The following PPP2R2A variants were observed in gnomAD, a reference collection of about 807,000 sequenced individuals.
PPP2R2A encodes protein phosphatase 2 regulatory subunit Balpha.
Under a neutral mutation model 53.2 loss-of-function variants are expected in PPP2R2A, and 9 were observed. That is an observed-to-expected ratio of 0.17 (90% confidence interval 0.10 to 0.30). PPP2R2A has a LOEUF of 0.30. Among genes scored for constraint, PPP2R2A ranks in the 10% least tolerant of loss-of-function variants. The probability of loss-of-function intolerance (pLI) is 1.00; values close to 1 mark genes in which losing one functional copy is unlikely to be tolerated. For synonymous variants in PPP2R2A, 169 were observed against 174.2 expected, an observed-to-expected ratio of 0.97 and a Z score of 0.23; for missense variants, 235 against 534.6, an observed-to-expected ratio of 0.44 and a Z score of 5.53.
At chr8:26,343,045 G>T (rs368504030) in intron 3 of PPP2R2A, among the ~76,000 whole-genome samples, 7 of 151,950 alleles carry the variant, frequency 4.6e-5, no homozygotes, top group African/African-American at 1.4e-4. Flanking sequence ...GATCCTGGTG[G>T]CACATACCTG....
intron 2 of PPP2R2A, among the ~76,000 whole-genome samples, chr8:26,330,964 ACT>A: frequency 6.6e-6 from 1 of 151,886 alleles, no homozygotes; most frequent in East Asian, 1.9e-4. Flanking sequence ...AAGGTGTGAC[ACT>A]CTTGTGAGAA....
intron 2 of PPP2R2A, among the ~76,000 whole-genome samples, chr8:26,326,486 G>T (rs1336022361): frequency 6.6e-6 from 1 of 152,154 alleles, no homozygotes; most frequent in Admixed American, 6.5e-5. Flanking sequence ...AACAATTCTG[G>T]CAGGAAACAA....
intron 2 of PPP2R2A, among the ~76,000 whole-genome samples, chr8:26,324,260 A>C (rs955299029): frequency 3.3e-5 from 5 of 152,134 alleles, no homozygotes; most frequent in Non-Finnish European, 7.4e-5. Flanking sequence ...CCACTCCATG[A>C]CTTTTTATTG....
chr8:26,323,884 C>T (rs1802961680), intron 2 of PPP2R2A, among the ~76,000 whole-genome samples: 1 of 152,226 alleles, frequency 6.6e-6, no homozygotes. Flanking sequence ...GTTCTGACTC[C>T]TCTACTCTCT....
chr8:26,352,266 GTCT>G (rs979198339), intron 3 of PPP2R2A, among the ~76,000 whole-genome samples: 2 of 152,150 alleles, frequency 1.3e-5, no homozygotes, highest in South Asian at 2.1e-4. Context: ...GCGGTTATGT[GTCT>G]TCTTATTCAG....
intron 2 of PPP2R2A, among the ~76,000 whole-genome samples, chr8:26,296,209 C>T (rs1801535366): frequency 6.6e-6 from 1 of 152,156 alleles, no homozygotes; most frequent in African/African-American, 2.4e-5. Flanking sequence ...TAAATGCAGT[C>T]CCAGTTTTGT....
Position 26,369,095 on chromosome 8 carries a change from G to A in PPP2R2A, c.1065-1039G>A, listed in dbSNP as rs534829166. 4.0e-5 allele frequency among the ~76,000 whole-genome samples: 6 copies of A among 149,888 alleles called. No individual in the cohort carries two copies. The South Asian group carries it at 6.3e-4, about 16-fold the overall frequency. The stretch of plus-strand genomic sequence containing the variant: ...TGCACTCCAGCCTGGGCAACAGAGC[G>A]AGACTCCGTCTCAAAAAAAAAAAAA... On this transcript the variant is annotated intron_variant, in intron 9 of 9. Transcript: ENST00000380737.
chr8:26,358,958 G>A, intron 4 of PPP2R2A: 1 of 456,018 alleles, frequency 2.2e-6, no homozygotes, highest in Non-Finnish European at 4.4e-6. Flanking sequence ...TGGCAAGGGT[G>A]AAAGAGTCAT....
At chr8:26,327,208 T>C (rs932543715) in intron 2 of PPP2R2A, among the ~76,000 whole-genome samples, 2 of 152,174 alleles carry the variant, frequency 1.3e-5, no homozygotes, top group Non-Finnish European at 2.9e-5. Context: ...AAGCATTAAA[T>C]CGAGGGTGTG....
At chr8:26,293,972 G>C in intron 2 of PPP2R2A, 1 of 496,958 alleles carries the variant, frequency 2.0e-6, no homozygotes, top group Non-Finnish European at 3.6e-6. Flanking sequence ...AGGAGCGGTA[G>C]ATGATGAGAC....
intron 2 of PPP2R2A, among the ~76,000 whole-genome samples, chr8:26,296,593 C>T (rs555751380): frequency 6.6e-6 from 1 of 152,306 alleles, no homozygotes; most frequent in African/African-American, 2.4e-5. Flanking sequence ...ATATGGTACC[C>T]CACATCTCTA....
chr8:26,304,952 A>G lies in PPP2R2A; in HGVS notation c.82+11212A>G, dbSNP rs12546070. Among the ~76,000 whole-genome samples, 522 of 151,872 alleles carry G rather than the reference A, an allele frequency of 3.4e-3. 11 individuals carry two copies. The highest frequency in any genetic ancestry group is 0.029 in the Admixed American group (440 of 15,270). The stretch of plus-strand genomic sequence containing the variant: ...ATAGAAAACATATAACATTAAATTT[A>G]CCATCTTAACCATTTTCAAATACAC... On this transcript the variant is annotated intron_variant, in intron 2 of 9. Coordinates refer to ENST00000380737, the MANE Select transcript of PPP2R2A (RefSeq NM_002717.4).
In PPP2R2A at chr8:26,362,679, T is replaced by A. The variant is rs200124793; in HGVS notation, c.638-5T>A. On this transcript the variant is annotated splice_region_variant and splice_polypyrimidine_tract_variant and intron_variant, in intron 6 of 9. Transcript: ENST00000380737. The surrounding 1 kb of genome is among the most constrained non-coding windows in gnomAD (Gnocchi z 4.4). The stretch of plus-strand genomic sequence containing the variant: ...GTGGAAATTCCTTAATAAAATGTTA[T>A]CTAGACATTGTGGATATCAAGCCTG... The A allele has an allele frequency of 6.8e-6, 11 of 1,613,086 alleles. No homozygotes were observed. Among genetic ancestry groups the A allele is most frequent in the Non-Finnish European group, 9.3e-6 (11 of 1,179,418 alleles).
chr8:26,315,707 T>G (rs1350976676), intron 2 of PPP2R2A, among the ~76,000 whole-genome samples: 2 of 152,196 alleles, frequency 1.3e-5, no homozygotes, highest in East Asian at 1.9e-4. Flanking sequence ...AGGTTTCACT[T>G]TATTTTGCTG....
intron 2 of PPP2R2A, among the ~76,000 whole-genome samples, chr8:26,300,827 G>A (rs952315944): frequency 6.6e-6 from 1 of 152,084 alleles, no homozygotes; most frequent in African/African-American, 2.4e-5. Flanking sequence ...CTCCAGCCTG[G>A]GCAACAGAGC....
At chr8:26,348,824 C>T (rs1353600737) in intron 3 of PPP2R2A, among the ~76,000 whole-genome samples, 1 of 152,104 alleles carries the variant, frequency 6.6e-6, no homozygotes, top group Non-Finnish European at 1.5e-5. Context: ...CATCCCATAA[C>T]AGGAATGAAA....
intron 2 of PPP2R2A, among the ~76,000 whole-genome samples, chr8:26,303,062 T>C (rs1033299420): frequency 6.6e-6 from 1 of 152,200 alleles, no homozygotes; most frequent in Non-Finnish European, 1.5e-5. Context: ...CAGAATAGTG[T>C]ACTGCTTTTG....
At chr8:26,299,261 CAAAA>C (rs5890307) in intron 2 of PPP2R2A, among the ~76,000 whole-genome samples, 1 of 145,296 alleles carries the variant, frequency 6.9e-6, no homozygotes, top group Non-Finnish European at 1.5e-5. Context: ...GACTCTGTTT[CAAAA>C]AAAAAAAAGG....
chr8:26,353,649 T>G (rs1473342651), intron 3 of PPP2R2A, among the ~76,000 whole-genome samples: 1 of 152,242 alleles, frequency 6.6e-6, no homozygotes, highest in Non-Finnish European at 1.5e-5. Context: ...CTGAACATGA[T>G]TATAATTCTC....
Sources: allele counts gnomAD v4.1 joint callset (sites outside exome capture counted in the v4.1 genomes callset), GRCh38; gene constraint gnomAD v4.1.1; non-coding constraint Gnocchi (gnomAD v3.1); transcripts MANE v1.5; gene names NCBI Gene and HGNC (gene_info 2026-07-23, HGNC 2026-07-21).